The following CHTF18 variants were observed in gnomAD, a reference collection of about 807,000 sequenced individuals.
The protein encoded by CHTF18 is chromosome transmission fidelity factor 18, also known as chromosome transmission fidelity protein 18 homolog.
CHTF18 carries 151 observed loss-of-function variants against 113.4 expected under a neutral mutation model. That is an observed-to-expected ratio of 1.33 (90% CI 1.17 to 1.52). CHTF18 has a LOEUF of 1.52. Among genes scored for constraint, CHTF18 ranks in the 40% most tolerant of loss-of-function variants. The probability of loss-of-function intolerance (pLI) is 0.00; values close to 1 mark genes in which losing one functional copy is unlikely to be tolerated. For missense variants in CHTF18, 1,982 were observed against 1,381.6 expected (o/e 1.43, Z -6.89); for synonymous variants, 916 against 598.8 (o/e 1.53, Z -7.74).
At position 793,230 on chromosome 16, in the gene CHTF18, C is replaced by T. The variant is rs2042250604; in HGVS notation, c.1758C>T (p.Leu586=). The change falls in exon 14 of 22, where the codon CTC becomes CTT. Residue 586 remains leucine (L), a synonymous_variant. Coordinates refer to ENST00000262315, the MANE Select transcript of CHTF18 (RefSeq NM_022092.3). ...RVGLKDQRRG[L]FSVWQEVFQL... is the part of the protein sequence containing the mutation. ...GCCTCAAGGACCAGCGCAGAGGGCT[C>T]TTCTCGGTGTGGCAGGAGGTCTTCC... The T allele has an allele frequency of 5.0e-6, 8 of 1,609,268 alleles. No homozygotes were observed. Among genetic ancestry groups the T allele is most frequent in the East Asian group, 2.2e-5 (1 of 44,816 alleles).
At chr16:790,842 C>T (rs1022094241) in intron 7 of CHTF18, 176 bp downstream of exon 7, 88 of 1,430,308 alleles carry the variant, frequency 6.2e-5, no homozygotes, top group Middle Eastern at 5.1e-4. Flanking sequence ...TGCTACTGGT[C>T]CCCTGTGACC....
chr16:791,529 C>T (rs1167948442), intron 8 of CHTF18, 159 bp downstream of exon 8: 42 of 1,435,786 alleles, frequency 2.9e-5, no homozygotes, highest in Non-Finnish European at 3.7e-5. Flanking sequence ...TGGAGCGTTG[C>T]AGTAACAACT....
rs1301927686 is a variant in CHTF18 at position 790,331 on chromosome 16, C to T, written c.700-16C>T. The T allele has an allele frequency of 4.3e-6, 7 of 1,612,262 alleles. No homozygotes were observed. The highest frequency in any genetic ancestry group is 2.7e-5 in the African/African-American group (2 of 74,938). ...GCCGCCTGAGCCCTCCTGATTCCAG[C>T]CTGTTGTTTGCACAGCGGCGGGAGC... On this transcript the variant is annotated splice_polypyrimidine_tract_variant and intron_variant, in intron 5 of 21. Transcript: ENST00000262315.
intron 4 of CHTF18, chr16:789,946 C>T (rs2042133248): frequency 4.0e-6 from 6 of 1,510,176 alleles, no homozygotes; most frequent in Non-Finnish European, 4.4e-6. Flanking sequence ...CTCCTTGCTT[C>T]CCCTCCTGCT....
chr16:789,557 G>C lies in CHTF18; in HGVS notation c.448G>C (p.Ala150Pro), dbSNP rs371270714. ...AELWGHGVSE[A>P]AADVGLTRAS... ...CCGGTCTCTCTCCAGAGTCTCAGAAGCTGCTGCCGACGTGGGTCTCACACG... is the reference window on the plus strand; with the variant it reads ...CCGGTCTCTCTCCAGAGTCTCAGAACCTGCTGCCGACGTGGGTCTCACACG... Residue 150 changes from alanine to proline, a missense_variant, in exon 4 of 22, where the codon GCT (alanine) becomes CCT (proline). Ala to Pro is a conservative substitution (Grantham distance 27, BLOSUM62 -1). Coordinates refer to ENST00000262315, the MANE Select transcript of CHTF18 (RefSeq NM_022092.3). 3 of 1,601,118 alleles carry C rather than the reference G, an allele frequency of 1.9e-6. No homozygotes were observed. Among genetic ancestry groups the C allele is most frequent in the African/African-American group, 1.3e-5 (1 of 74,730 alleles).
chr16:795,149 C>G lies in CHTF18; in HGVS notation c.1968C>G (p.Phe656Leu). 1.3e-6 allele frequency: 2 copies of G among 1,550,768 alleles called. No homozygotes were observed. Among genetic ancestry groups the G allele is most frequent in the Non-Finnish European group, 1.7e-6 (2 of 1,147,414 alleles). ...EKVVQGLFDN[F>L]LRLRLRDSSL... ...GCCTGCAGGGCTTGTTTGACAACTTCCTGCGTCTGCGGCTGCGAGACTCCA... is the reference window on the plus strand; with the variant it reads ...GCCTGCAGGGCTTGTTTGACAACTTGCTGCGTCTGCGGCTGCGAGACTCCA... The change falls in exon 16 of 22, where the codon TTC (phenylalanine) becomes TTG (leucine). Residue 656 changes from phenylalanine (F) to leucine (L), a missense_variant. Phe to Leu is a conservative substitution (Grantham distance 22). Transcript: ENST00000262315.
chr16:789,634 G>T lies in CHTF18; in HGVS notation c.525G>T (p.Glu175Asp), dbSNP rs747477643. The T allele has an allele frequency of 6.2e-7, 1 of 1,607,786 alleles. No homozygotes were observed. Among genetic ancestry groups the T allele is most frequent in the East Asian group, 2.2e-5 (1 of 44,890 alleles). Residue 175 changes from glutamate to aspartate, a missense_variant, in exon 4 of 22, where the codon GAG becomes GAT. By Grantham distance (45) the Glu-to-Asp change is conservative. Coordinates refer to ENST00000262315, the MANE Select transcript of CHTF18 (RefSeq NM_022092.3). ...TCCTGAGGCGGCCCCCCATCTTGGA[G>T]GACTACGTCCACGTGACATCCACGG... Reference protein sequence around the residue: ...NPVLRRPPILEDYVHVTSTEG... With the variant: ...NPVLRRPPILDDYVHVTSTEG...
Position 790,331 on chromosome 16 carries a change from C to A in CHTF18, c.700-16C>A. 1 of 1,612,380 alleles carries A rather than the reference C, an allele frequency of 6.2e-7. No homozygotes were observed. The highest frequency in any genetic ancestry group is 8.5e-7 in the Non-Finnish European group (1 of 1,179,770). ...GCCGCCTGAGCCCTCCTGATTCCAG[C>A]CTGTTGTTTGCACAGCGGCGGGAGC... On this transcript the variant is annotated splice_polypyrimidine_tract_variant and intron_variant, in intron 5 of 21. Coordinates refer to ENST00000262315, the MANE Select transcript of CHTF18 (RefSeq NM_022092.3).
Position 788,927 on chromosome 16 carries a change from G to A in CHTF18, c.92-4G>A. 2 of 1,543,910 alleles carry A rather than the reference G, an allele frequency of 1.3e-6. No individual in the cohort carries two copies. Among genetic ancestry groups the A allele is most frequent in the Non-Finnish European group, 1.7e-6 (2 of 1,154,608 alleles). ...CGGCCGCTGACAATCTCCTCTCCCA[G>A]CAGGGGCGTCGACTCCGTCGCCCTC... On this transcript the variant is annotated splice_polypyrimidine_tract_variant and splice_region_variant and intron_variant, in intron 1 of 21. Coordinates refer to ENST00000262315, the MANE Select transcript of CHTF18 (RefSeq NM_022092.3).
At chr16:790,131 G>C in intron 4 of CHTF18, 46 bp from the exon 5 acceptor site, 2 of 1,552,100 alleles carry the variant, frequency 1.3e-6, no homozygotes, top group Non-Finnish European at 8.7e-7. Flanking sequence ...CGTGAATCCT[G>C]TGACCTAGGA....
chr16:797,360 CAGG>C (rs768108485), intron 20 of CHTF18, among the ~76,000 whole-genome samples: 9 of 151,836 alleles, frequency 5.9e-5, no homozygotes, highest in Non-Finnish European at 8.8e-5. Context: ...GGCTGAGCCA[CAGG>C]AGGAGTCTGG....
chr16:796,642 T>G (rs2042355784), intron 18 of CHTF18, 75 bp from the exon 19 acceptor site: 3 of 1,458,384 alleles, frequency 2.1e-6, no homozygotes, highest in East Asian at 2.5e-5. Flanking sequence ...GGGTTTGCGG[T>G]TGGAGTGCCC....
intron 3 of CHTF18, 41 bp downstream of exon 3, chr16:789,401 G>A: frequency 6.5e-7 from 1 of 1,545,698 alleles, no homozygotes; most frequent in Non-Finnish European, 8.7e-7. Flanking sequence ...CATCTGTCCA[G>A]TGGGACTCAG....
rs566380448 is a variant in CHTF18, at chr16:792,507, G to A, written c.1395G>A (p.Pro465=). The change falls in exon 11 of 22, where the codon CCG becomes CCA. Residue 465 remains proline, a synonymous_variant. Coordinates refer to ENST00000262315, the MANE Select transcript of CHTF18 (RefSeq NM_022092.3). ...CACAGGAGGTGGGGCCACAGGGCCCGGCTGTGCCTTCGGGAGGCGGCCGAC... is the reference window on the plus strand; with the variant it reads ...CACAGGAGGTGGGGCCACAGGGCCCAGCTGTGCCTTCGGGAGGCGGCCGAC... ...KGPQEVGPQG[P]AVPSGGGRRR... 3.5e-5 allele frequency: 55 copies of A among 1,593,878 alleles called. No individual in the cohort carries two copies. Among genetic ancestry groups the A allele is most frequent in the Admixed American group, 7.3e-5 (4 of 54,926 alleles).
At chr16:792,879 G>GT in intron 12 of CHTF18, 68 bp downstream of exon 12, 1 of 1,529,902 alleles carries the variant, frequency 6.5e-7, no homozygotes, top group South Asian at 1.2e-5. Flanking sequence ...TCTGGCCCCT[G>GT]TTTCCCTGCC....
intron 4 of CHTF18, 165 bp downstream of exon 4, chr16:789,880 C>A: frequency 7.5e-7 from 1 of 1,341,048 alleles, no homozygotes; most frequent in South Asian, 1.4e-5. Flanking sequence ...GAGGACACAG[C>A]CTCCCCACAG....
At chr16:790,707 G>C (rs762316481) in intron 7 of CHTF18, 41 bp downstream of exon 7, 2 of 1,492,220 alleles carry the variant, frequency 1.3e-6, no homozygotes, top group South Asian at 1.4e-5. Flanking sequence ...GGCTTCCTCT[G>C]TTCCCAAGAT....
chr16:795,373 A>G lies in CHTF18; in HGVS notation c.2175+17A>G. 6.6e-7 allele frequency: 1 copy of G among 1,511,806 alleles called. No homozygotes were observed. Among genetic ancestry groups the G allele is most frequent in the Non-Finnish European group, 8.9e-7 (1 of 1,124,466 alleles). The allele number at this position is 1,511,806 out of a possible 1,614,324, so 93.6% of individuals were successfully genotyped here. On this transcript the variant is annotated intron_variant, in intron 16 of 21. Transcript: ENST00000262315. ...CAGCAGGAGGTGTGCTCGTCCCTGC[A>G]CCACGCCTGCCCCCGGCCCCGTGCC...
chr16:788,960 C>T lies in CHTF18; in HGVS notation c.121C>T (p.Pro41Ser), dbSNP rs769471289. Residue 41 changes from proline (P) to serine (S), a missense_variant, in exon 2 of 22, where the codon CCC becomes TCC. Physicochemically the swap from Pro to Ser is moderately conservative, Grantham distance 74 (BLOSUM62 -1). Coordinates refer to ENST00000262315, the MANE Select transcript of CHTF18 (RefSeq NM_022092.3). Reference sequence around the variant, plus strand: ...GTCGACTCCGTCGCCCTCCGGGGTCCCCCTGTTCACCGCGGGCCGACCCCC... The same window carrying T: ...GTCGACTCCGTCGCCCTCCGGGGTCTCCCTGTTCACCGCGGGCCGACCCCC... ...GASTPSPSGV[P>S]LFTAGRPPRT... is the part of the protein sequence containing the mutation. 7 of 1,570,300 alleles carry T rather than the reference C, an allele frequency of 4.5e-6. No individual in the cohort carries two copies. The African/African-American group carries it at 6.8e-5, about 15-fold the overall frequency.
Sources: allele counts gnomAD v4.1 joint callset (sites outside exome capture counted in the v4.1 genomes callset), GRCh38; gene constraint gnomAD v4.1.1; transcripts MANE v1.5; gene names NCBI Gene and HGNC (gene_info 2026-07-23, HGNC 2026-07-21).